The following FOXP1 variants were observed in gnomAD, a reference collection of about 807,000 sequenced individuals.
FOXP1 encodes forkhead box P1.
In FOXP1, 15 loss-of-function variants were observed where a neutral mutation model predicts 98.2. That is an observed-to-expected ratio of 0.15 (90% CI 0.10 to 0.24). The LOEUF is 0.24. Ranked by LOEUF, FOXP1 falls within the 10% of genes least tolerant of loss-of-function variation. The pLI is 1.00. For missense variants in FOXP1, 633 were observed against 848.5 expected (o/e 0.75, Z 3.15); for synonymous variants, 371 against 314.5 (o/e 1.18, Z -1.90).
intron 6 of FOXP1, among the ~76,000 whole-genome samples, chr3:71,177,899 T>C (rs2062040832): frequency 6.9e-6 from 1 of 145,542 alleles, no homozygotes; most frequent in South Asian, 2.2e-4. Context: ...TGGAGGGCAG[T>C]GGTGCGATCA....
At position 71,345,871 on chromosome 3, in the gene FOXP1, T is replaced by TAAAAAAAAA. The variant is rs71120316; in HGVS notation, c.-73+13270_-73+13278dup. ...AGGTTTGAAATCAATAAAGTTTTTG[T>TAAAAAAAAA]AAAAAAAAAAAAAAAAAAAAAAAAA... On this transcript the variant is annotated intron_variant, in intron 4 of 20. Transcript: ENST00000649528. Among the ~76,000 whole-genome samples the TAAAAAAAAA allele has an allele frequency of 2.0e-3, 110 of 55,086 alleles. 10 individuals are homozygous for TAAAAAAAAA. The highest frequency in any genetic ancestry group is 3.2e-3 in the East Asian group (5 of 1,550). 36.1% of individuals were successfully genotyped at this position (55,086 alleles called of 152,430 possible). A position where few individuals can be genotyped will look rare whatever the true frequency, so the allele number is the denominator to read the frequency against.
At chr3:71,236,403 A>C (rs1481733242) in intron 5 of FOXP1, among the ~76,000 whole-genome samples, 1 of 152,034 alleles carries the variant, frequency 6.6e-6, no homozygotes, top group Non-Finnish European at 1.5e-5. Context: ...TTCTCGATTG[A>C]CTTTTTGGAT....
At chr3:71,247,021 C>T (rs1162492876) in intron 5 of FOXP1, among the ~76,000 whole-genome samples, 1 of 152,062 alleles carries the variant, frequency 6.6e-6, no homozygotes, top group Admixed American at 6.5e-5. Flanking sequence ...CGCTACAGCT[C>T]TCAGCATAAG....
At chr3:71,245,335 T>C (rs2067645874) in intron 5 of FOXP1, 1 of 152,162 alleles carries the variant, frequency 6.6e-6, no homozygotes, top group African/African-American at 2.4e-5. Flanking sequence ...GTCAGTCCTG[T>C]CTTTTCAGCC....
intron 3 of FOXP1, among the ~76,000 whole-genome samples, chr3:71,470,664 G>T (rs916402373): frequency 6.6e-6 from 1 of 152,070 alleles, no homozygotes; most frequent in African/African-American, 2.4e-5. Context: ...GCTTGAACCC[G>T]GAGGCAGAGG....
At chr3:71,516,943 G>A (rs556933319) in intron 2 of FOXP1, among the ~76,000 whole-genome samples, 2 of 152,186 alleles carry the variant, frequency 1.3e-5, no homozygotes, top group Non-Finnish European at 2.9e-5. Context: ...CCAGGGCCAC[G>A]TGTGTGTCTC....
In FOXP1 at chr3:71,398,597, CG is replaced by C. The variant is rs369405536; in HGVS notation, c.-167-39354del. 1.1e-4 allele frequency among the ~76,000 whole-genome samples: 17 copies of C among 152,284 alleles called. No homozygotes were observed. In the East Asian group the frequency reaches 1.9e-3, roughly 17 times the overall value. Reference sequence around the variant, plus strand: ...ACTATGTCACTCACACCAAGAACCACGGGCTGGGGGTGCAGAGTGATTTTGC... The same window carrying C: ...ACTATGTCACTCACACCAAGAACCACGGCTGGGGGTGCAGAGTGATTTTGC... On this transcript the variant is annotated intron_variant, in intron 3 of 20. Transcript: ENST00000649528.
At chr3:71,513,647 G>A (rs780104116) in intron 2 of FOXP1, among the ~76,000 whole-genome samples, 18 of 152,234 alleles carry the variant, frequency 1.2e-4, no homozygotes, top group African/African-American at 3.6e-4. Context: ...AGGGTGTAGC[G>A]CAAGGTGTGA....
At chr3:71,568,149 G>A (rs2047059336) in intron 2 of FOXP1, among the ~76,000 whole-genome samples, 1 of 151,910 alleles carries the variant, frequency 6.6e-6, no homozygotes, top group Non-Finnish European at 1.5e-5. Flanking sequence ...AGCAGGATTC[G>A]CCTCCCTCAT....
intron 5 of FOXP1, among the ~76,000 whole-genome samples, chr3:71,267,975 A>G (rs2069870900): frequency 6.7e-6 from 1 of 148,864 alleles, no homozygotes; most frequent in Admixed American, 6.7e-5. Context: ...CTGAGATCAC[A>G]GCACTGTACC....
chr3:71,120,415 T>A (rs2107810459), intron 6 of FOXP1, among the ~76,000 whole-genome samples: 1 of 152,346 alleles, frequency 6.6e-6, no homozygotes, highest in African/African-American at 2.4e-5. Flanking sequence ...GTCCTATGCT[T>A]ACAGAGCATT....
intron 5 of FOXP1, among the ~76,000 whole-genome samples, chr3:71,236,862 G>C (rs1235810803): frequency 6.7e-6 from 1 of 149,858 alleles, no homozygotes; most frequent in African/African-American, 2.5e-5. Flanking sequence ...GACACAGCGA[G>C]ATCCTGTCTT....
chr3:71,345,389 AAT>A (rs570301889), intron 4 of FOXP1, among the ~76,000 whole-genome samples: 2,157 of 61,260 alleles, frequency 0.035, 65 homozygotes, highest in African/African-American at 0.087. Context: ...ATCTGTCTCA[AAT>A]ATATATACAC....
intron 3 of FOXP1, among the ~76,000 whole-genome samples, chr3:71,433,513 G>C (rs1363405960): frequency 6.6e-6 from 1 of 152,178 alleles, no homozygotes; most frequent in Non-Finnish European, 1.5e-5. Flanking sequence ...TCACACATCA[G>C]AGAGAGGGCA....
At chr3:71,301,700 C>G (rs2073859443) in intron 4 of FOXP1, among the ~76,000 whole-genome samples, 1 of 152,050 alleles carries the variant, frequency 6.6e-6, no homozygotes, top group African/African-American at 2.4e-5. Flanking sequence ...AACAACTGGA[C>G]CTCATTAAAA....
intron 2 of FOXP1, among the ~76,000 whole-genome samples, chr3:71,494,215 G>C (rs943391111): frequency 3.3e-5 from 5 of 152,140 alleles, no homozygotes; most frequent in Admixed American, 3.3e-4. Context: ...CCCCAGGAGA[G>C]CCATTTATCA....
intron 3 of FOXP1, among the ~76,000 whole-genome samples, chr3:71,442,672 GT>G (rs943886669): frequency 2.0e-5 from 3 of 151,844 alleles, no homozygotes; most frequent in East Asian, 3.9e-4. Flanking sequence ...TTTTGTTTTT[GT>G]TTTTTTGACA....
intron 3 of FOXP1, among the ~76,000 whole-genome samples, chr3:71,391,170 T>C (rs1216157138): frequency 6.6e-6 from 1 of 152,200 alleles, no homozygotes; most frequent in Non-Finnish European, 1.5e-5. Context: ...ATCACATATT[T>C]CCAATTCTAG....
intron 9 of FOXP1, among the ~76,000 whole-genome samples, chr3:71,050,996 C>T (rs2049808801): frequency 6.6e-6 from 1 of 152,130 alleles, no homozygotes; most frequent in Non-Finnish European, 1.5e-5. Context: ...TTTGACCGCA[C>T]AATAATCATT....
Sources: allele counts gnomAD v4.1 joint callset (sites outside exome capture counted in the v4.1 genomes callset), GRCh38; gene constraint gnomAD v4.1.1; transcripts MANE v1.5; gene names NCBI Gene and HGNC (gene_info 2026-07-23, HGNC 2026-07-21).